SLC17A6: variants seen among roughly 807,000 people sequenced by gnomAD.
The protein encoded by SLC17A6 is vesicular glutamate transporter 2.
Under a neutral mutation model 67.1 loss-of-function variants are expected in SLC17A6, and 35 were observed. The observed-to-expected ratio is 0.52, with a 90% CI of 0.40 to 0.69. The LOEUF (loss-of-function observed/expected upper bound fraction) is 0.69. SLC17A6 is among the 30% of genes least tolerant of loss of function. The pLI is 0.00. For missense variants in SLC17A6, 588 were observed against 723.9 expected (o/e 0.81, Z 2.15); for synonymous variants, 285 against 252.3 (o/e 1.13, Z -1.23).
rs772692491 is a variant in SLC17A6 at position 22,377,598 on chromosome 11, T to G, written c.1607T>G (p.Ile536Arg). The G allele has an allele frequency of 6.2e-7, 1 of 1,614,038 alleles. No homozygotes were observed. The highest frequency in any genetic ancestry group is 1.3e-5 in the African/African-American group (1 of 74,934). Reference protein sequence around the residue: ...EETGDITQNYINYGTTKSYGA... With the variant: ...EETGDITQNYRNYGTTKSYGA... ...ACAGGGGACATTACTCAAAATTATATAAATTATGGTACCACCAAGTCTTAT... is the reference window on the plus strand; with the variant it reads ...ACAGGGGACATTACTCAAAATTATAGAAATTATGGTACCACCAAGTCTTAT... The change falls in exon 12 of 12, where the codon ATA becomes AGA. Residue 536 changes from isoleucine (I) to arginine (R), a missense_variant. By Grantham distance (97) the Ile-to-Arg change is moderately conservative. Around this residue, in one of 4 missense-constraint regions of SLC17A6, gnomAD observed 414 missense variants for 563.4 expected, o/e 0.73. Transcript: ENST00000263160.
chr11:22,376,472 T>C, intron 10 of SLC17A6, 73 bp from the exon 11 acceptor site: 2 of 1,534,946 alleles, frequency 1.3e-6, no homozygotes, highest in South Asian at 1.1e-5. Context: ...GGAGTTGTGA[T>C]GTGTGGTTCT....
At chr11:22,373,138 CA>C (rs1184894507) in intron 8 of SLC17A6, among the ~76,000 whole-genome samples, 1 of 152,084 alleles carries the variant, frequency 6.6e-6, no homozygotes, top group East Asian at 1.9e-4. Context: ...CCAAAGTAGT[CA>C]AAATGATTGT....
intron 1 of SLC17A6, 39 bp downstream of exon 1, chr11:22,338,658 A>G: frequency 6.7e-7 from 1 of 1,496,160 alleles, no homozygotes; most frequent in Non-Finnish European, 9.3e-7. Flanking sequence ...GGGGCTCAGC[A>G]TGAAAAAATC....
intron 3 of SLC17A6, among the ~76,000 whole-genome samples, chr11:22,347,761 T>A (rs773673084): frequency 1.3e-5 from 2 of 152,194 alleles, no homozygotes; most frequent in African/African-American, 2.4e-5. Context: ...GCCAAGTGTA[T>A]AGAGTGCTAA....
chr11:22,376,663 A>G lies in SLC17A6; in HGVS notation c.1404A>G (p.Thr468=), dbSNP rs1295263364. 33 of 1,613,794 alleles carry G rather than the reference A, an allele frequency of 2.0e-5. No individual in the cohort carries two copies. Among genetic ancestry groups the G allele is most frequent in the Non-Finnish European group, 2.7e-5 (32 of 1,179,882 alleles). The change falls in exon 11 of 12, where the codon ACA becomes ACG. Residue 468 remains threonine, a synonymous_variant. Transcript: ENST00000263160. ...GTCCTATCATTGTTGGTGCAATGAC[A>G]AAGAATAAGGTAAGATGGTCAAAAC... ...MVCPIIVGAM[T]KNKSREEWQY...
chr11:22,345,647 C>A (rs1037619854), intron 3 of SLC17A6, among the ~76,000 whole-genome samples: 1 of 151,998 alleles, frequency 6.6e-6, no homozygotes, highest in African/African-American at 2.4e-5. Context: ...ATATCATGAA[C>A]CTATAGAAAA....
In SLC17A6 at chr11:22,359,447, C is replaced by A. The variant is rs779413089; in HGVS notation, c.493C>A (p.Leu165Ile). 6.2e-7 allele frequency: 1 copy of A among 1,601,428 alleles called. No individual in the cohort carries two copies. Among genetic ancestry groups the A allele is most frequent in the Non-Finnish European group, 8.5e-7 (1 of 1,173,486 alleles). ...FGAAILLTST[L>I]NMLIPSAARV... ...AGCTGCCATACTTCTTACCTCTACCCTAAATATGCTAATTCCATCAGCAGC... is the reference window on the plus strand; with the variant it reads ...AGCTGCCATACTTCTTACCTCTACCATAAATATGCTAATTCCATCAGCAGC... The change falls in exon 4 of 12, where the codon CTA (leucine) becomes ATA (isoleucine). Residue 165 changes from leucine to isoleucine, a missense_variant. By Grantham distance (5) the Leu-to-Ile change is conservative (BLOSUM62 2). This residue lies in a region of SLC17A6 where 414 missense variants were observed against 563.4 expected (regional missense o/e 0.73). Transcript: ENST00000263160.
intron 3 of SLC17A6, among the ~76,000 whole-genome samples, chr11:22,348,599 A>G (rs1471812983): frequency 2.6e-5 from 4 of 152,196 alleles, no homozygotes; most frequent in Admixed American, 6.5e-5. Flanking sequence ...AATTGCAGAG[A>G]TTTGAACATG....
At chr11:22,355,832 T>G (rs1405484727) in intron 3 of SLC17A6, among the ~76,000 whole-genome samples, 1 of 152,210 alleles carries the variant, frequency 6.6e-6, no homozygotes, top group African/African-American at 2.4e-5. Context: ...ATATTAATCT[T>G]TGAAAGTTTC....
chr11:22,344,432 G>T (rs1166147315), intron 3 of SLC17A6, among the ~76,000 whole-genome samples: 2 of 152,134 alleles, frequency 1.3e-5, no homozygotes, highest in Non-Finnish European at 2.9e-5. Flanking sequence ...TTCACTAGCG[G>T]TGTCATTTCT....
intron 7 of SLC17A6, among the ~76,000 whole-genome samples, chr11:22,368,012 A>C (rs1458834399): frequency 6.6e-6 from 1 of 152,204 alleles, no homozygotes; most frequent in East Asian, 1.9e-4. Context: ...TATACTCATC[A>C]CATAGGTGTA....
intron 6 of SLC17A6, among the ~76,000 whole-genome samples, chr11:22,363,438 A>G (rs2593689): frequency 0.063 from 9,535 of 152,266 alleles, 1,003 homozygotes; most frequent in African/African-American, 0.22. Context: ...ATATCCCTAC[A>G]GTCTTTCTTT....
Position 22,338,427 on chromosome 11 carries a change from G to A in SLC17A6, c.-107G>A. The A allele has an allele frequency of 1.3e-6, 1 of 776,278 alleles. No homozygotes were observed. The highest frequency in any genetic ancestry group is 2.2e-6 in the Non-Finnish European group (1 of 460,364). The allele number at this position is 776,278 out of a possible 1,614,324, so 48.1% of individuals were successfully genotyped here. On this transcript the variant is annotated 5_prime_UTR_variant, in exon 1 of 12. Coordinates refer to ENST00000263160, the MANE Select transcript of SLC17A6 (RefSeq NM_020346.3). Reference sequence around the variant, plus strand: ...GAGCCACTACCATTCTGCTGAGAAGGAAAAGCCCGCAACTACTTTAAGAGA... The same window carrying A: ...GAGCCACTACCATTCTGCTGAGAAGAAAAAGCCCGCAACTACTTTAAGAGA...
chr11:22,344,190 A>G (rs1855850981), intron 3 of SLC17A6, among the ~76,000 whole-genome samples: 1 of 152,178 alleles, frequency 6.6e-6, no homozygotes, highest in South Asian at 2.1e-4. Context: ...CACAGAACAC[A>G]TGCACCAGCT....
intron 7 of SLC17A6, among the ~76,000 whole-genome samples, chr11:22,367,834 A>G (rs1329994701): frequency 6.6e-6 from 1 of 152,194 alleles, no homozygotes; most frequent in African/African-American, 2.4e-5. Flanking sequence ...TTTTCTAAAG[A>G]CAATATTTTA....
At chr11:22,357,335 T>A (rs1181325123) in intron 3 of SLC17A6, among the ~76,000 whole-genome samples, 1 of 152,232 alleles carries the variant, frequency 6.6e-6, no homozygotes, top group Admixed American at 6.5e-5. Flanking sequence ...TCATTAAATT[T>A]AGCTCTGACT....
chr11:22,377,974 G>A lies in SLC17A6; in HGVS notation c.*234G>A, dbSNP rs1856250541. The A allele has an allele frequency of 2.0e-6, 1 of 503,906 alleles. No individual in the cohort carries two copies. The highest frequency in any genetic ancestry group is 3.9e-5 in the South Asian group (1 of 25,606). The allele number at this position is 503,906 out of a possible 1,614,324, so 31.2% of individuals were successfully genotyped here. A position where few individuals can be genotyped will look rare whatever the true frequency, so the allele number is the denominator to read the frequency against. ...TTCTTGCATTTGTGACTTAAAGGTT[G>A]ACTGGTCAAAATTGTAGAAACAAGT... On this transcript the variant is annotated 3_prime_UTR_variant, in exon 12 of 12. Coordinates refer to ENST00000263160, the MANE Select transcript of SLC17A6 (RefSeq NM_020346.3).
intron 2 of SLC17A6, 81 bp downstream of exon 2, chr11:22,341,861 TC>T: frequency 6.6e-7 from 1 of 1,504,158 alleles, no homozygotes. Context: ...TGAGCCCCGT[TC>T]CCCCGCCACT....
chr11:22,357,067 T>G (rs1219788313), intron 3 of SLC17A6, among the ~76,000 whole-genome samples: 1 of 152,174 alleles, frequency 6.6e-6, no homozygotes, highest in African/African-American at 2.4e-5. Context: ...CAGGTATAAA[T>G]CCTAGTGGCA....
Sources: gnomAD v4.1 joint callset for allele counts (sites outside exome capture counted in the v4.1 genomes callset) on GRCh38, gnomAD v4.1.1 for gene constraint, gnomAD v4.1.1 regional missense constraint, MANE v1.5 for transcripts, NCBI Gene and HGNC (gene_info 2026-07-23, HGNC 2026-07-21) for gene names.